SAMD12: variants seen among roughly 807,000 people sequenced by gnomAD.
SAMD12 encodes sterile alpha motif domain containing 12, also known as sterile alpha motif domain-containing protein 12.
Under a neutral mutation model 15.0 loss-of-function variants are expected in SAMD12, and 9 were observed. The observed-to-expected ratio is 0.60, with a 90% CI of 0.36 to 1.05. The LOEUF is 1.05. SAMD12 is among the 50% of genes least tolerant of loss of function. SAMD12 has a pLI of 0.01. For missense variants in SAMD12, 230 were observed against 234.2 expected, an observed-to-expected ratio of 0.98 and a Z score of 0.12; for synonymous variants, 86 against 90.1, an observed-to-expected ratio of 0.96 and a Z score of 0.25.
chr8:118,547,791 G>T (rs948390117), intron 2 of SAMD12, among the ~76,000 whole-genome samples: 3 of 152,002 alleles, frequency 2.0e-5, no homozygotes, highest in Admixed American at 2.0e-4. Flanking sequence ...CCCTTTGTTA[G>T]TTTTCACCTT....
intron 1 of SAMD12, among the ~76,000 whole-genome samples, chr8:118,601,375 G>A (rs879841632): frequency 6.6e-6 from 1 of 152,108 alleles, no homozygotes; most frequent in Non-Finnish European, 1.5e-5. Context: ...CTAAATATAT[G>A]ATGTAGCTTA....
chr8:118,445,291 T>G (rs1056779370), intron 2 of SAMD12, among the ~76,000 whole-genome samples: 11 of 152,202 alleles, frequency 7.2e-5, no homozygotes, highest in African/African-American at 2.7e-4. Context: ...ATATATGAAT[T>G]AATTAATTTT....
chr8:118,285,267 G>A (rs185883450), intron 4 of SAMD12, among the ~76,000 whole-genome samples: 4 of 152,084 alleles, frequency 2.6e-5, no homozygotes, highest in Admixed American at 2.6e-4. Context: ...TGCACAGTGG[G>A]TACCCATGAG....
rs1305276648 is a variant in SAMD12, at chr8:118,281,396, G to A, written c.434-83664C>T. ...GGCTCCGAGGGCCTGGAATGCAGAT[G>A]CCATGAGACAGTGACTGTTTCCTTC... is the stretch of plus-strand genomic sequence containing the variant. On this transcript the variant is annotated intron_variant, in intron 4 of 4. Coordinates refer to the SAMD12 transcript ENST00000409003. Among the ~76,000 whole-genome samples, 4 of 152,260 alleles carry A rather than the reference G, an allele frequency of 2.6e-5. No individual in the cohort carries two copies. The East Asian group carries it at 7.7e-4, about 29-fold the overall frequency.
chr8:118,300,342 C>T (rs939372931), intron 4 of SAMD12, among the ~76,000 whole-genome samples: 58 of 152,130 alleles, frequency 3.8e-4, no homozygotes, highest in African/African-American at 1.3e-3. Context: ...TTCTCCTATT[C>T]TCTGTTCTAT....
At chr8:118,601,636 C>G (rs1218930081) in intron 1 of SAMD12, among the ~76,000 whole-genome samples, 3 of 152,160 alleles carry the variant, frequency 2.0e-5, no homozygotes, top group East Asian at 3.9e-4. Flanking sequence ...TTTGGGGAAG[C>G]CCTACTCCAC....
chr8:118,313,551 G>T (rs527931739), intron 4 of SAMD12, among the ~76,000 whole-genome samples: 20 of 152,154 alleles, frequency 1.3e-4, no homozygotes, highest in African/African-American at 4.1e-4. Flanking sequence ...AATTAACAAA[G>T]AATTCTTTCT....
At position 118,314,320 on chromosome 8, in the gene SAMD12, C is replaced by G. The variant is rs1362074483; in HGVS notation, c.433+65240G>C. On this transcript the variant is annotated intron_variant, in intron 4 of 4. Transcript: ENST00000409003. Reference sequence around the variant, plus strand: ...TTATTTTGAAATAATTATAGACTCACAGGAAGTTTCAGATAAGTGTACAGG... The same window carrying G: ...TTATTTTGAAATAATTATAGACTCAGAGGAAGTTTCAGATAAGTGTACAGG... Among the ~76,000 whole-genome samples the G allele has an allele frequency of 2.0e-5, 3 of 152,158 alleles. No individual in the cohort carries two copies. In the East Asian group the frequency reaches 5.8e-4, roughly 29 times the overall value.
intron 4 of SAMD12, among the ~76,000 whole-genome samples, chr8:118,301,195 G>A (rs1204825045): frequency 6.6e-6 from 1 of 152,094 alleles, no homozygotes; most frequent in Non-Finnish European, 1.5e-5. Context: ...AATGCAAAGA[G>A]CAAAAGGTGG....
intron 3 of SAMD12, among the ~76,000 whole-genome samples, chr8:118,439,007 G>C (rs1822656965): frequency 6.6e-6 from 1 of 152,120 alleles, no homozygotes; most frequent in African/African-American, 2.4e-5. Flanking sequence ...GGGTGAAAGG[G>C]CAGGCAAGGT....
At chr8:118,523,990 T>G (rs1193221178) in intron 2 of SAMD12, among the ~76,000 whole-genome samples, 2 of 152,132 alleles carry the variant, frequency 1.3e-5, no homozygotes. Context: ...CCTCAATTTC[T>G]CCCTCTTGAT....
intron 2 of SAMD12, among the ~76,000 whole-genome samples, chr8:118,572,465 T>C (rs903845191): frequency 2.0e-5 from 3 of 152,200 alleles, no homozygotes; most frequent in African/African-American, 7.2e-5. Flanking sequence ...GGTTTGGCTG[T>C]GTCCTCACCC....
chr8:118,428,414 G>GAAAGAAAAGA (rs60190865), intron 3 of SAMD12, among the ~76,000 whole-genome samples: 79,835 of 149,622 alleles, frequency 0.53, 23,627 homozygotes, highest in Non-Finnish European at 0.65. Context: ...CAATAACAAA[G>GAAAGAAAAGA]AAAGAAAAGA....
chr8:118,491,904 A>T (rs555501839), intron 2 of SAMD12, among the ~76,000 whole-genome samples: 5 of 152,208 alleles, frequency 3.3e-5, no homozygotes, highest in Non-Finnish European at 7.4e-5. Flanking sequence ...GCGGCTGTGA[A>T]TATTCACGTA....
chr8:118,572,145 G>T (rs1414261993), intron 2 of SAMD12, among the ~76,000 whole-genome samples: 2 of 152,238 alleles, frequency 1.3e-5, no homozygotes, highest in Non-Finnish European at 2.9e-5. Flanking sequence ...GGAACTTTAA[G>T]ATTTGACTGT....
intron 3 of SAMD12, among the ~76,000 whole-genome samples, chr8:118,395,197 C>T (rs768220529): frequency 3.3e-5 from 5 of 152,134 alleles, no homozygotes; most frequent in Non-Finnish European, 7.3e-5. Context: ...CAATGTGACC[C>T]TTTATACCCT....
intron 4 of SAMD12, among the ~76,000 whole-genome samples, chr8:118,363,062 G>A (rs991392151): frequency 3.3e-5 from 5 of 152,168 alleles, no homozygotes; most frequent in Non-Finnish European, 5.9e-5. Context: ...TCTTTTATTT[G>A]AATAGTCTCA....
intron 2 of SAMD12, among the ~76,000 whole-genome samples, chr8:118,539,973 G>C (rs1378803995): frequency 1.3e-5 from 2 of 152,208 alleles, no homozygotes; most frequent in African/African-American, 4.8e-5. Flanking sequence ...TGTGAAAGAT[G>C]TTGTTTCAGA....
intron 2 of SAMD12, among the ~76,000 whole-genome samples, chr8:118,472,322 C>G (rs116178733): frequency 0.013 from 2,004 of 151,774 alleles, 47 homozygotes; most frequent in African/African-American, 0.046. Context: ...CATAATAATG[C>G]CAAGCACCTT....
Sources: allele counts gnomAD v4.1 joint callset (sites outside exome capture counted in the v4.1 genomes callset), GRCh38; gene constraint gnomAD v4.1.1; transcripts MANE v1.5; gene names NCBI Gene and HGNC (gene_info 2026-07-23, HGNC 2026-07-21).